SPMIP2: variants seen among roughly 807,000 people sequenced by gnomAD.
SPMIP2 encodes the protein sperm microtubule inner protein 2.
the SPMIP2 span, among the ~76,000 whole-genome samples, chr4:159,053,641 C>T: frequency 6.6e-6 from 1 of 152,092 alleles, no homozygotes; most frequent in African/African-American, 2.4e-5. Flanking sequence ...AGATATGGAC[C>T]TTACTAGTCC....
the SPMIP2 span, among the ~76,000 whole-genome samples, chr4:158,948,594 T>C: frequency 6.6e-6 from 1 of 151,496 alleles, no homozygotes; most frequent in African/African-American, 2.4e-5. Context: ...GTGGTTTGTT[T>C]TTTTTTTTTT....
chr4:158,941,714 A>G, the SPMIP2 span, among the ~76,000 whole-genome samples: 4 of 152,200 alleles, frequency 2.6e-5, no homozygotes, highest in Non-Finnish European at 5.9e-5. Flanking sequence ...CTCTTGGAAT[A>G]ACTCTACTCT....
At chr4:159,073,585 T>G in the SPMIP2 span, among the ~76,000 whole-genome samples, 162 of 152,214 alleles carry the variant, frequency 1.1e-3, no homozygotes, top group African/African-American at 3.5e-3. Flanking sequence ...ACTTTAAAAA[T>G]AAGAAGAAAT....
chr4:158,912,785 G>A, the SPMIP2 span, among the ~76,000 whole-genome samples: 6 of 152,156 alleles, frequency 3.9e-5, no homozygotes, highest in Non-Finnish European at 8.8e-5. Flanking sequence ...AGTAACTCTG[G>A]AAATTTAGAA....
the SPMIP2 span, among the ~76,000 whole-genome samples, chr4:159,020,963 G>A: frequency 3.3e-5 from 5 of 152,092 alleles, no homozygotes; most frequent in Admixed American, 2.0e-4. Flanking sequence ...GGGTTTCACC[G>A]TATTAGCCAG....
chr4:159,002,881 G>A, the SPMIP2 span, among the ~76,000 whole-genome samples: 5 of 151,988 alleles, frequency 3.3e-5, no homozygotes, highest in East Asian at 9.6e-4. Flanking sequence ...GTGCTATGAT[G>A]GCTACCTGAA....
At chr4:158,901,808 G>A in the SPMIP2 span, among the ~76,000 whole-genome samples, 2 of 151,586 alleles carry the variant, frequency 1.3e-5, no homozygotes, top group African/African-American at 2.4e-5. Context: ...GCTTCATGAA[G>A]TTCTCGTGCT....
At chr4:159,032,225 A>C in the SPMIP2 span, among the ~76,000 whole-genome samples, 16 of 152,216 alleles carry the variant, frequency 1.1e-4, no homozygotes, top group African/African-American at 3.4e-4. Context: ...GTCTCAAAAA[A>C]AAAAATTGTT....
the SPMIP2 span, among the ~76,000 whole-genome samples, chr4:158,927,640 A>G: frequency 6.6e-6 from 1 of 152,090 alleles, no homozygotes; most frequent in Non-Finnish European, 1.5e-5. Context: ...GCACTGTGGG[A>G]GCCCCTTTCT....
At chr4:158,986,812 A>G in the SPMIP2 span, among the ~76,000 whole-genome samples, 2 of 151,238 alleles carry the variant, frequency 1.3e-5, no homozygotes, top group Non-Finnish European at 3.0e-5. Flanking sequence ...GCTTCTGCAC[A>G]GCAAAAGAAA....
chr4:159,066,418 C>G, the SPMIP2 span, among the ~76,000 whole-genome samples: 1 of 151,770 alleles, frequency 6.6e-6, no homozygotes, highest in East Asian at 1.9e-4. Context: ...CCTGGGCTCA[C>G]GCAAGACAGA....
chr4:158,983,439 C>A, the SPMIP2 span, among the ~76,000 whole-genome samples: 1 of 151,718 alleles, frequency 6.6e-6, no homozygotes, highest in Non-Finnish European at 1.5e-5. Flanking sequence ...CAAAGGGAAG[C>A]CCATCAGGCT....
the SPMIP2 span, among the ~76,000 whole-genome samples, chr4:158,947,050 T>G: frequency 6.6e-6 from 1 of 151,940 alleles, no homozygotes; most frequent in Non-Finnish European, 1.5e-5. Context: ...GAAGGAGAGC[T>G]GAGGGAGGGA....
At chr4:158,990,260 T>G in the SPMIP2 span, among the ~76,000 whole-genome samples, 1 of 152,138 alleles carries the variant, frequency 6.6e-6, no homozygotes, top group Non-Finnish European at 1.5e-5. Flanking sequence ...GAAATAGGAA[T>G]GCTTTTACAC....
chr4:159,026,371 ACT>A, the SPMIP2 span: 1 of 759,828 alleles, frequency 1.3e-6, no homozygotes, highest in Admixed American at 1.8e-5. Flanking sequence ...AAAAACTCAG[ACT>A]CTCTACAACT....
the SPMIP2 span, among the ~76,000 whole-genome samples, chr4:158,902,717 C>T: frequency 6.6e-6 from 1 of 152,368 alleles, no homozygotes; most frequent in African/African-American, 2.4e-5. Context: ...AGTCTGGCCC[C>T]AGTGGCCTTG....
chr4:158,898,481 T>C, the SPMIP2 span, among the ~76,000 whole-genome samples: 1 of 152,222 alleles, frequency 6.6e-6, no homozygotes. Context: ...CATGGAATGT[T>C]CTTCCATTTA....
the SPMIP2 span, chr4:158,973,401 AATT>A: frequency 1.3e-6 from 1 of 750,744 alleles, no homozygotes. Flanking sequence ...AATAGCCAAT[AATT>A]ATATGGTACT....
chr4:159,060,326 C>T, the SPMIP2 span, among the ~76,000 whole-genome samples: 14 of 152,148 alleles, frequency 9.2e-5, no homozygotes, highest in Non-Finnish European at 1.8e-4. Context: ...ATACTAAGTT[C>T]CAAATGAGGT....
Sources: allele counts gnomAD v4.1 joint callset (sites outside exome capture counted in the v4.1 genomes callset), GRCh38; gene constraint gnomAD v4.1.1; transcripts MANE v1.5; gene names NCBI Gene and HGNC (gene_info 2026-07-23, HGNC 2026-07-21).